DUSP8: variants seen among roughly 807,000 people sequenced by gnomAD.
DUSP8 encodes dual specificity protein phosphatase 8.
DUSP8 carries 15 observed loss-of-function variants against 38.7 expected under a neutral mutation model. The ratio of observed to expected loss-of-function variants is 0.39; its 90% CI spans 0.26 to 0.60. The LOEUF (loss-of-function observed/expected upper bound fraction) is 0.60. Ranked by LOEUF, DUSP8 falls within the 20% of genes least tolerant of loss-of-function variation. DUSP8 has a pLI of 0.56. For synonymous variants in DUSP8, 458 were observed against 433.9 expected, an observed-to-expected ratio of 1.06 and a Z score of -0.69; for missense variants, 768 against 915.0, an observed-to-expected ratio of 0.84 and a Z score of 2.07.
chr11:1,566,792 C>T (rs747460228), intron 1 of DUSP8, among the ~76,000 whole-genome samples: 5 of 152,130 alleles, frequency 3.3e-5, no homozygotes, highest in Non-Finnish European at 7.4e-5. Flanking sequence ...TCGGGGACCC[C>T]GCAGGTGCCA....
intron 2 of DUSP8, among the ~76,000 whole-genome samples, chr11:1,565,364 G>C (rs1419442121): frequency 6.6e-6 from 1 of 152,230 alleles, no homozygotes; most frequent in African/African-American, 2.4e-5. Context: ...GCCCTGGAGG[G>C]AGGGTAGGGA....
In DUSP8 at chr11:1,555,141, G is replaced by A. The variant is rs1005685532; in HGVS notation, c.*1377C>T. ...CTCCTAGACCCTAGGACATCTGAAG[G>A]GCAGGGGTCCCAATGGCCCGAGGGG... On this transcript the variant is annotated 3_prime_UTR_variant, in exon 7 of 7. Transcript: ENST00000397374. The A allele has an allele frequency of 1.2e-5, 12 of 987,692 alleles. No homozygotes were observed. The highest frequency in any genetic ancestry group is 2.9e-4 in the Middle Eastern group (1 of 3,484). 61.2% of individuals were successfully genotyped at this position (987,692 alleles called of 1,614,324 possible).
Position 1,554,672 on chromosome 11 carries a change from G to A in DUSP8, c.*1846C>T, listed in dbSNP as rs1375546369. On this transcript the variant is annotated 3_prime_UTR_variant, in exon 7 of 7. Coordinates refer to ENST00000397374, the MANE Select transcript of DUSP8 (RefSeq NM_004420.3). ...GAAGGGGGCCCAACCAGTGGCCCCA[G>A]ACCACTGTCTCCCGGACAGCACAGG... 2.0e-6 allele frequency: 2 copies of A among 982,348 alleles called. No homozygotes were observed. The highest frequency in any genetic ancestry group is 2.3e-4 in the East Asian group (2 of 8,798). 60.9% of individuals were successfully genotyped at this position (982,348 alleles called of 1,614,324 possible). A position where few individuals can be genotyped will look rare whatever the true frequency, so the allele number is the denominator to read the frequency against.
At chr11:1,564,529 C>G (rs1006379106) in intron 2 of DUSP8, among the ~76,000 whole-genome samples, 1 of 152,224 alleles carries the variant, frequency 6.6e-6, no homozygotes, top group Non-Finnish European at 1.5e-5. Context: ...GCACCAATTC[C>G]GGAGGCAGCA....
rs749740242 is a variant in DUSP8, at chr11:1,564,003, G to A, written c.232-14C>T. 5 of 1,446,218 alleles carry A rather than the reference G, an allele frequency of 3.5e-6. No homozygotes were observed. The highest frequency in any genetic ancestry group is 1.4e-5 in the African/African-American group (1 of 69,676). 89.6% of individuals were successfully genotyped at this position (1,446,218 alleles called of 1,614,324 possible). On this transcript the variant is annotated splice_polypyrimidine_tract_variant and intron_variant, in intron 2 of 6. Coordinates refer to ENST00000397374, the MANE Select transcript of DUSP8 (RefSeq NM_004420.3). ...CGTAGCCTCCACCTGGGGGCCATGG[G>A]GCAGAGATCAGCATGCCGCCTCCAC...
chr11:1,562,437 A>C (rs1848731010), intron 3 of DUSP8, among the ~76,000 whole-genome samples: 1 of 152,178 alleles, frequency 6.6e-6, no homozygotes, highest in African/African-American at 2.4e-5. Context: ...TTCAGTCCTC[A>C]AACTGGACCT....
chr11:1,563,265 C>T (rs1848750214), intron 3 of DUSP8, among the ~76,000 whole-genome samples: 1 of 152,206 alleles, frequency 6.6e-6, no homozygotes, highest in Non-Finnish European at 1.5e-5. Flanking sequence ...GACACGCCCT[C>T]AGCCACAGCC....
intron 3 of DUSP8, among the ~76,000 whole-genome samples, chr11:1,560,172 C>T (rs928010520): frequency 2.0e-5 from 3 of 152,194 alleles, no homozygotes; most frequent in Non-Finnish European, 4.4e-5. Context: ...CAAGCCGGCT[C>T]CTGCTTGTGC....
At position 1,557,898 on chromosome 11, in the gene DUSP8, G is replaced by A; in HGVS notation, c.717C>T (p.Ser239=). The A allele has an allele frequency of 1.2e-6, 2 of 1,613,996 alleles. No individual in the cohort carries two copies. The highest frequency in any genetic ancestry group is 2.2e-5 in the East Asian group (1 of 44,874). The change falls in exon 6 of 7, where the codon AGC becomes AGT. Residue 239 remains serine, a synonymous_variant. Coordinates refer to ENST00000397374, the MANE Select transcript of DUSP8 (RefSeq NM_004420.3). The surrounding 1 kb of genome is among the most constrained non-coding windows in gnomAD (Gnocchi z 9.9). The stretch of plus-strand genomic sequence containing the variant: ...CCAGACAGTGGACGATGACTTGGCA[G>A]CTGGAGAGCTTGGCTTTATCTGGGC... ...IEFIDKAKLS[S]CQVIVHCLAG...
chr11:1,565,602 G>A lies in DUSP8; in HGVS notation c.225C>T (p.Arg75=). 1 of 1,601,978 alleles carries A rather than the reference G, an allele frequency of 6.2e-7. No individual in the cohort carries two copies. The highest frequency in any genetic ancestry group is 8.5e-7 in the Non-Finnish European group (1 of 1,172,854). The change falls in exon 2 of 7, where the codon CGC becomes CGT. Residue 75 remains arginine (R), a synonymous_variant. Transcript: ENST00000397374. ...TGGGCAGTGGGCTGGGTACCTGGCT[G>A]CGTGCAGCCGGCTGGATGAGCTCCG... ...TIAELIQPAA[R]SQVEATEPQD...
At chr11:1,559,490 C>A in intron 3 of DUSP8, 1 of 164,240 alleles carries the variant, frequency 6.1e-6, no homozygotes. Context: ...ATACCCATGG[C>A]CTGGGGCCAG....
At chr11:1,562,690 T>C (rs936350785) in intron 3 of DUSP8, among the ~76,000 whole-genome samples, 3 of 102,750 alleles carry the variant, frequency 2.9e-5, no homozygotes, top group Admixed American at 9.0e-5. Flanking sequence ...TGCATGCACA[T>C]GCACACACAC....
Position 1,554,722 on chromosome 11 carries a change from C to A in DUSP8, c.*1796G>T. 1 of 606,778 alleles carries A rather than the reference C, an allele frequency of 1.6e-6. No individual in the cohort carries two copies. Among genetic ancestry groups the A allele is most frequent in the South Asian group, 7.2e-5 (1 of 13,934 alleles). The allele number at this position is 606,778 out of a possible 1,614,324, so 37.6% of individuals were successfully genotyped here. On this transcript the variant is annotated 3_prime_UTR_variant, in exon 7 of 7. Transcript: ENST00000397374. ...GGGTGGGGGGCGAGAAGCGGGAAGC[C>A]AGTGCATCCTCCTCACCCAGGGTCT...
rs1163563290 is a variant in DUSP8 at position 1,557,031 on chromosome 11, C to A, written c.1365G>T (p.Arg455=). ...AAPEARPRPR[R]RPRPPAGSPA... ...GGGAGCCGGCGGGGGGCCGGGGCCG[C>A]CGGCGGGGCCGTGGGCGCGCCTCAG... The change falls in exon 7 of 7, where the codon CGG becomes CGT. Residue 455 remains arginine (R), a synonymous_variant. Coordinates refer to ENST00000397374, the MANE Select transcript of DUSP8 (RefSeq NM_004420.3). The surrounding 1 kb of genome is among the most constrained non-coding windows in gnomAD (Gnocchi z 9.9). 4 of 1,061,246 alleles carry A rather than the reference C, an allele frequency of 3.8e-6. No homozygotes were observed. Among genetic ancestry groups the A allele is most frequent in the Non-Finnish European group, 4.5e-6 (4 of 880,844 alleles). The allele number at this position is 1,061,246 out of a possible 1,614,324, so 65.7% of individuals were successfully genotyped here. A position where few individuals can be genotyped will look rare whatever the true frequency, so the allele number is the denominator to read the frequency against.
rs1487977579 is a variant in DUSP8, at chr11:1,556,995, G to A, written c.1401C>T (p.Ser467=). Residue 467 remains serine, a synonymous_variant, in exon 7 of 7, where the codon TCC becomes TCT. Coordinates refer to ENST00000397374, the MANE Select transcript of DUSP8 (RefSeq NM_004420.3). The surrounding 1 kb of genome is among the most constrained non-coding windows in gnomAD (Gnocchi z 5.2). ...PRPPAGSPAR[S]PAHSLGLNFG... Reference sequence around the variant, plus strand: ...AGTTCAGGCCGAGGCTGTGCGCGGGGGAGCGCGCGGGGGAGCCGGCGGGGG... The same window carrying A: ...AGTTCAGGCCGAGGCTGTGCGCGGGAGAGCGCGCGGGGGAGCCGGCGGGGG... 5.3e-5 allele frequency: 54 copies of A among 1,021,752 alleles called. No individual in the cohort carries two copies. The East Asian group carries it at 9.6e-4, about 18-fold the overall frequency. 63.3% of individuals were successfully genotyped at this position (1,021,752 alleles called of 1,614,324 possible).
chr11:1,563,626 C>G (rs1848755038), intron 3 of DUSP8, among the ~76,000 whole-genome samples: 1 of 152,184 alleles, frequency 6.6e-6, no homozygotes, highest in Non-Finnish European at 1.5e-5. Flanking sequence ...CCCTACACCT[C>G]TGGAGCCCAG....
intron 2 of DUSP8, 77 bp downstream of exon 2, chr11:1,565,519 G>T: frequency 8.6e-7 from 1 of 1,167,074 alleles, no homozygotes; most frequent in Non-Finnish European, 1.2e-6. Flanking sequence ...AGAGGAGGGG[G>T]GTGCTGCCCG....
chr11:1,554,646 A>G lies in DUSP8; in HGVS notation c.*1872T>C, dbSNP rs1239467883. On this transcript the variant is annotated 3_prime_UTR_variant, in exon 7 of 7. Coordinates refer to ENST00000397374, the MANE Select transcript of DUSP8 (RefSeq NM_004420.3). ...AAGGGACAAGGGGAAGGGGGAAGGG[A>G]GAAGGGGGCCCAACCAGTGGCCCCA... 2 of 987,240 alleles carry G rather than the reference A, an allele frequency of 2.0e-6. No homozygotes were observed. Among genetic ancestry groups the G allele is most frequent in the African/African-American group, 3.5e-5 (2 of 57,284 alleles). The allele number at this position is 987,240 out of a possible 1,614,324, so 61.2% of individuals were successfully genotyped here. A position where few individuals can be genotyped will look rare whatever the true frequency, so the allele number is the denominator to read the frequency against.
In DUSP8 at chr11:1,558,384, T is replaced by C. The variant is rs575073002; in HGVS notation, c.538-113A>G. Reference sequence around the variant, plus strand: ...GAGGGCCTTTAGAATCCTGGGAGCCTTGGAATTTGTCCCAGATCCCAGTGT... The same window carrying C: ...GAGGGCCTTTAGAATCCTGGGAGCCCTGGAATTTGTCCCAGATCCCAGTGT... On this transcript the variant is annotated intron_variant, in intron 4 of 6. Coordinates refer to ENST00000397374, the MANE Select transcript of DUSP8 (RefSeq NM_004420.3). This position sits in a 1 kb window ranked among gnomAD's most constrained non-coding sequence, Gnocchi z 6.3. The C allele has an allele frequency of 9.3e-6, 9 of 970,294 alleles. No individual in the cohort carries two copies. The South Asian group carries it at 1.5e-4, about 16-fold the overall frequency. The allele number at this position is 970,294 out of a possible 1,614,324, so 60.1% of individuals were successfully genotyped here. A position where few individuals can be genotyped will look rare whatever the true frequency, so the allele number is the denominator to read the frequency against.
Sources: gnomAD v4.1 joint callset for allele counts (sites outside exome capture counted in the v4.1 genomes callset) on GRCh38, gnomAD v4.1.1 for gene constraint, Gnocchi (gnomAD v3.1) non-coding constraint, MANE v1.5 for transcripts, NCBI Gene and HGNC (gene_info 2026-07-23, HGNC 2026-07-21) for gene names.